Variants in EIF4G3 observed in about 807,000 individuals in gnomAD.
EIF4G3 encodes the protein eIF-4-gamma 3.
EIF4G3 carries 34 observed loss-of-function variants against 186.4 expected under a neutral mutation model. The ratio of observed to expected loss-of-function variants is 0.18; its 90% CI spans 0.14 to 0.24. The LOEUF is 0.24. Among genes scored for constraint, EIF4G3 ranks in the 10% least tolerant of loss-of-function variants. The pLI, the probability that EIF4G3 is intolerant of heterozygous loss-of-function variation, is 1.00. For missense variants in EIF4G3, 1,536 were observed against 1,948.5 expected, an observed-to-expected ratio of 0.79 and a Z score of 3.99; for synonymous variants, 673 against 679.5, an observed-to-expected ratio of 0.99 and a Z score of 0.15.
At chr1:21,099,138 G>C (rs1012537453) in intron 2 of EIF4G3, among the ~76,000 whole-genome samples, 2 of 152,182 alleles carry the variant, frequency 1.3e-5, no homozygotes. Context: ...ATAAGGATGA[G>C]GAGCAACTGG....
chr1:20,922,795 TA>T lies in EIF4G3; in HGVS notation c.1664-17825del, dbSNP rs146151819. Among the ~76,000 whole-genome samples the T allele has an allele frequency of 5.9e-3, 905 of 152,322 alleles. 15 individuals carry two copies. The highest frequency in any genetic ancestry group is 0.024 in the East Asian group (125 of 5,190). ...TTGGATACAAGCTAAGAATAATTAT[TA>T]GGGTTTGAGTTCTTTGAGGATAAGG... is the stretch of plus-strand genomic sequence containing the variant. On this transcript the variant is annotated intron_variant, in intron 14 of 36. Transcript: ENST00000602326.
intron 2 of EIF4G3, among the ~76,000 whole-genome samples, chr1:21,135,398 G>A (rs147899292): frequency 1.3e-5 from 2 of 152,302 alleles, no homozygotes; most frequent in African/African-American, 2.4e-5. Flanking sequence ...ACTCGGGAGA[G>A]GCTGAGGCAG....
At chr1:21,000,516 T>G (rs2083266300) in intron 6 of EIF4G3, among the ~76,000 whole-genome samples, 1 of 151,566 alleles carries the variant, frequency 6.6e-6, no homozygotes, top group Non-Finnish European at 1.5e-5. Context: ...TGGATGAGAC[T>G]AGACTATGAC....
intron 4 of EIF4G3, among the ~76,000 whole-genome samples, chr1:21,023,299 A>T (rs2091264135): frequency 9.0e-6 from 1 of 111,346 alleles, no homozygotes; most frequent in Admixed American, 1.1e-4. Flanking sequence ...CTCTCTTTCC[A>T]CGTCTCCCTC....
At chr1:20,943,967 ATTTTTTTTGTGTGTGTGTGTGTGTGTGT>A (rs1279142192) in intron 13 of EIF4G3, among the ~76,000 whole-genome samples, 25 of 65,380 alleles carry the variant, frequency 3.8e-4, no homozygotes, top group African/African-American at 8.8e-4. Flanking sequence ...ACTTGTCTTT[ATTTTTTTTGTGTGTGTGTGTGTGTGTGT>A]GTGTGTGTGT....
At chr1:20,824,878 T>C (rs984080671) in intron 33 of EIF4G3, among the ~76,000 whole-genome samples, 1 of 152,298 alleles carries the variant, frequency 6.6e-6, no homozygotes, top group South Asian at 2.1e-4. Flanking sequence ...CTTGTTTTTC[T>C]ATAGGTTGCT....
chr1:20,921,038 T>C (rs894023406), intron 14 of EIF4G3, among the ~76,000 whole-genome samples: 2 of 152,186 alleles, frequency 1.3e-5, no homozygotes, highest in African/African-American at 2.4e-5. Context: ...AAAAATTATG[T>C]ATAAATTATA....
intron 30 of EIF4G3, among the ~76,000 whole-genome samples, chr1:20,835,261 A>G (rs986609319): frequency 3.3e-5 from 5 of 152,222 alleles, no homozygotes; most frequent in Admixed American, 3.3e-4. Context: ...AGCAATGAGC[A>G]TCTATATCAA....
chr1:21,126,827 C>A (rs1401795066), intron 2 of EIF4G3, among the ~76,000 whole-genome samples: 1 of 151,894 alleles, frequency 6.6e-6, no homozygotes, highest in Admixed American at 6.6e-5. Context: ...TCCAAAGATG[C>A]TCAATTCCCT....
chr1:20,913,907 C>A (rs183270950), intron 14 of EIF4G3, among the ~76,000 whole-genome samples: 1 of 150,194 alleles, frequency 6.7e-6, no homozygotes, highest in Non-Finnish European at 1.5e-5. Flanking sequence ...CCCGGGTTCA[C>A]GCCATTCTCC....
chr1:21,170,825 T>C (rs1558295909), intron 2 of EIF4G3, among the ~76,000 whole-genome samples: 2 of 151,300 alleles, frequency 1.3e-5, no homozygotes, highest in African/African-American at 4.9e-5. Flanking sequence ...CCATCTCTAC[T>C]AAAAATACAA....
chr1:20,895,456 C>T lies in EIF4G3; in HGVS notation c.2045G>A (p.Arg682Lys), dbSNP rs1301940676. 1.9e-6 allele frequency: 3 copies of T among 1,613,968 alleles called. No individual in the cohort carries two copies. In the African/African-American group the frequency reaches 4.0e-5, roughly 22 times the overall value. Residue 682 changes from arginine to lysine, a missense_variant, in exon 17 of 37, where the codon AGG becomes AAG. Arg to Lys is a conservative substitution (Grantham distance 26). Coordinates refer to ENST00000602326, the MANE Select transcript of EIF4G3 (RefSeq NM_001391906.1). ...GAACTGGAAGTCCAGCAGAAACTCC[C>T]TGTCATACTGCTTCTTACCTTCAGT... ...TDTEGKKQYD[R>K]EFLLDFQFMP...
At chr1:20,974,195 A>G (rs2076403740) in intron 10 of EIF4G3, among the ~76,000 whole-genome samples, 1 of 152,222 alleles carries the variant, frequency 6.6e-6, no homozygotes, top group African/African-American at 2.4e-5. Context: ...ATCTGGAGTC[A>G]GAGGATAGGT....
At chr1:20,963,217 G>A (rs942866172) in intron 12 of EIF4G3, among the ~76,000 whole-genome samples, 3 of 151,868 alleles carry the variant, frequency 2.0e-5, no homozygotes, top group Admixed American at 6.6e-5. Flanking sequence ...CATATATTTT[G>A]TGTATTCATG....
intron 4 of EIF4G3, among the ~76,000 whole-genome samples, chr1:21,009,962 C>T (rs1401050002): frequency 6.6e-6 from 1 of 152,004 alleles, no homozygotes; most frequent in African/African-American, 2.4e-5. Context: ...TGAAAACTGT[C>T]TTCTTAAGTG....
At chr1:20,844,564 G>C (rs1048230490) in intron 29 of EIF4G3, among the ~76,000 whole-genome samples, 2 of 151,790 alleles carry the variant, frequency 1.3e-5, no homozygotes, top group African/African-American at 4.8e-5. Flanking sequence ...GTCGGGGGCC[G>C]GGCATGGTGG....
intron 2 of EIF4G3, among the ~76,000 whole-genome samples, chr1:21,160,465 T>A (rs896725234): frequency 3.3e-5 from 5 of 152,078 alleles, no homozygotes; most frequent in Non-Finnish European, 7.4e-5. Context: ...TGCAAACTCA[T>A]CAAATATCTC....
intron 3 of EIF4G3, among the ~76,000 whole-genome samples, chr1:21,086,735 T>C (rs2095993195): frequency 6.6e-6 from 1 of 151,500 alleles, no homozygotes; most frequent in South Asian, 2.1e-4. Context: ...AGGTCAGGAG[T>C]TCGAGACCAG....
chr1:21,109,614 T>C (rs988070475), intron 2 of EIF4G3, among the ~76,000 whole-genome samples: 1 of 152,202 alleles, frequency 6.6e-6, no homozygotes, highest in Non-Finnish European at 1.5e-5. Context: ...GGCCATTAAT[T>C]TGTTCCAGAG....
Sources: gnomAD v4.1 joint callset for allele counts (sites outside exome capture counted in the v4.1 genomes callset) on GRCh38, gnomAD v4.1.1 for gene constraint, MANE v1.5 for transcripts, NCBI Gene and HGNC (gene_info 2026-07-23, HGNC 2026-07-21) for gene names.